SMARCC1: variants seen among roughly 807,000 people sequenced by gnomAD.
The protein encoded by SMARCC1 is SWI/SNF complex subunit SMARCC1.
In SMARCC1, 43 loss-of-function variants were observed where a neutral mutation model predicts 147.4. The ratio of observed to expected loss-of-function variants is 0.29; its 90% CI spans 0.23 to 0.38. The LOEUF is 0.38. SMARCC1 is among the 10% of genes least tolerant of loss of function. SMARCC1 has a pLI of 1.00. For synonymous variants in SMARCC1, 495 were observed against 484.4 expected, an observed-to-expected ratio of 1.02 and a Z score of -0.29; for missense variants, 1,119 against 1,381.1, an observed-to-expected ratio of 0.81 and a Z score of 3.01.
intron 26 of SMARCC1, among the ~76,000 whole-genome samples, chr3:47,602,565 TGGG>T (rs1449361207): frequency 6.6e-6 from 1 of 152,204 alleles, no homozygotes. Flanking sequence ...CCCAAAGTGC[TGGG>T]ATTACAGGCG....
intron 19 of SMARCC1, among the ~76,000 whole-genome samples, chr3:47,668,141 A>T (rs1186443080): frequency 6.6e-6 from 1 of 152,112 alleles, no homozygotes; most frequent in Non-Finnish European, 1.5e-5. Context: ...TGGTGCCCTG[A>T]TTATATCAAC....
intron 10 of SMARCC1, 132 bp downstream of exon 10, chr3:47,706,276 TG>T (rs2033993380): frequency 1.3e-6 from 1 of 750,708 alleles, no homozygotes; most frequent in South Asian, 5.1e-5. Flanking sequence ...TTCACCATGT[TG>T]GCCAGGCTGG....
At chr3:47,613,606 C>T (rs1239453534) in intron 25 of SMARCC1, among the ~76,000 whole-genome samples, 2 of 152,024 alleles carry the variant, frequency 1.3e-5, no homozygotes, top group African/African-American at 4.8e-5. Context: ...GTGATCCGCC[C>T]GCCTCAGCCT....
chr3:47,635,635 A>G (rs2032959200), intron 23 of SMARCC1, among the ~76,000 whole-genome samples: 1 of 152,216 alleles, frequency 6.6e-6, no homozygotes, highest in South Asian at 2.1e-4. Flanking sequence ...GTCTAAGGCC[A>G]ACGTACTTGC....
At chr3:47,623,777 C>T (rs910562162) in intron 24 of SMARCC1, among the ~76,000 whole-genome samples, 2 of 152,080 alleles carry the variant, frequency 1.3e-5, no homozygotes, top group African/African-American at 4.8e-5. Context: ...GTCAGCTATA[C>T]ATCAGTAACT....
intron 14 of SMARCC1, among the ~76,000 whole-genome samples, chr3:47,685,040 A>C (rs2033703129): frequency 6.6e-6 from 1 of 152,200 alleles, no homozygotes; most frequent in Admixed American, 6.5e-5. Flanking sequence ...TTAAGTCGGA[A>C]ACATTCACCT....
rs757435797 is a variant in SMARCC1 at position 47,635,347 on chromosome 3, G to A, written c.2492-3C>T. 6.2e-7 allele frequency: 1 copy of A among 1,609,848 alleles called. No homozygotes were observed. The highest frequency in any genetic ancestry group is 8.5e-7 in the Non-Finnish European group (1 of 1,179,696). The stretch of plus-strand genomic sequence containing the variant: ...GTTCTCTTCAGTCTCCTTTTCTTCT[G>A]AAAATATCAGAAAGCTTTGTTACTA... On this transcript the variant is annotated splice_polypyrimidine_tract_variant and splice_region_variant and intron_variant, in intron 23 of 27. Coordinates refer to ENST00000254480, the MANE Select transcript of SMARCC1 (RefSeq NM_003074.4).
chr3:47,684,573 TG>T (rs1006118747), intron 14 of SMARCC1, among the ~76,000 whole-genome samples: 8 of 151,894 alleles, frequency 5.3e-5, no homozygotes, highest in African/African-American at 1.9e-4. Context: ...CCCAAGTAGA[TG>T]GGATTACAGG....
intron 26 of SMARCC1, among the ~76,000 whole-genome samples, chr3:47,591,221 G>T (rs1479071375): frequency 6.6e-6 from 1 of 152,148 alleles, no homozygotes; most frequent in Non-Finnish European, 1.5e-5. Context: ...ACTTTAAAAG[G>T]AAGTCAGTAA....
In SMARCC1 at chr3:47,636,784, ATATATG is replaced by A. The variant is rs770807721; in HGVS notation, c.2377-654_2377-649del. Among the ~76,000 whole-genome samples, 210 of 67,688 alleles carry A rather than the reference ATATATG, an allele frequency of 3.1e-3. 2 individuals are homozygous for A. The highest frequency in any genetic ancestry group is 0.01 in the East Asian group (23 of 2,246). 44.4% of individuals were successfully genotyped at this position (67,688 alleles called of 152,430 possible). A position where few individuals can be genotyped will look rare whatever the true frequency, so the allele number is the denominator to read the frequency against. ...AACAACAACAACCACAACAAAATAT[ATATATG>A]TGTGTGTGTGTGTGTGTGTGTGTGT... On this transcript the variant is annotated intron_variant, in intron 22 of 27. Coordinates refer to ENST00000254480, the MANE Select transcript of SMARCC1 (RefSeq NM_003074.4).
At chr3:47,777,616 C>G (rs1485998804) in intron 1 of SMARCC1, among the ~76,000 whole-genome samples, 1 of 151,992 alleles carries the variant, frequency 6.6e-6, no homozygotes, top group African/African-American at 2.4e-5. Flanking sequence ...CAACCTCCAC[C>G]TCCCAGGTTT....
At position 47,686,237 on chromosome 3, in the gene SMARCC1, T is replaced by TA; in HGVS notation, c.1264-68dup. The TA allele has an allele frequency of 4.1e-6, 5 of 1,226,504 alleles. No homozygotes were observed. The Admixed American group carries it at 1.0e-4, about 25-fold the overall frequency. The allele number at this position is 1,226,504 out of a possible 1,614,324, so 76.0% of individuals were successfully genotyped here. A position where few individuals can be genotyped will look rare whatever the true frequency, so the allele number is the denominator to read the frequency against. On this transcript the variant is annotated intron_variant, in intron 13 of 27. Transcript: ENST00000254480. ...AGAGAGAGATATATATAACATCTCT[T>TA]ACACTTCAGTTGTTAGGTTAAATAA... is the stretch of plus-strand genomic sequence containing the variant.
chr3:47,727,102 A>G (rs2034308744), intron 6 of SMARCC1, among the ~76,000 whole-genome samples: 1 of 151,952 alleles, frequency 6.6e-6, no homozygotes, highest in Non-Finnish European at 1.5e-5. Context: ...AGTCCCAGCT[A>G]CTCGGGAGGC....
intron 21 of SMARCC1, among the ~76,000 whole-genome samples, chr3:47,650,262 C>T (rs983819731): frequency 2.1e-5 from 3 of 145,042 alleles, no homozygotes; most frequent in East Asian, 2.0e-4. Flanking sequence ...GGCGACAGAG[C>T]GAGACTCTGT....
chr3:47,689,774 A>C (rs1340577757), intron 12 of SMARCC1, among the ~76,000 whole-genome samples: 1 of 152,204 alleles, frequency 6.6e-6, no homozygotes, highest in African/African-American at 2.4e-5. Flanking sequence ...GGGTTTCAGA[A>C]GAAGTGAGTA....
chr3:47,664,025 CCTTT>C, intron 19 of SMARCC1: 5 of 691,356 alleles, frequency 7.2e-6, no homozygotes, highest in Non-Finnish European at 1.2e-5. Context: ...TCCCTCCTCT[CCTTT>C]GAGAGGCCCA....
At chr3:47,589,560 G>A (rs575838898) in intron 27 of SMARCC1, among the ~76,000 whole-genome samples, 14 of 152,282 alleles carry the variant, frequency 9.2e-5, no homozygotes, top group African/African-American at 3.4e-4. Flanking sequence ...CACAACCACT[G>A]ACCACTAGCT....
At chr3:47,656,918 T>TCAA (rs529787207) in intron 21 of SMARCC1, among the ~76,000 whole-genome samples, 197 of 151,732 alleles carry the variant, frequency 1.3e-3, no homozygotes, top group Admixed American at 2.4e-3. Context: ...AGACTCCATC[T>TCAA]CAACAACAAC....
At chr3:47,591,951 T>C (rs1423601007) in intron 26 of SMARCC1, among the ~76,000 whole-genome samples, 1 of 152,214 alleles carries the variant, frequency 6.6e-6, no homozygotes, top group African/African-American at 2.4e-5. Flanking sequence ...CATATGAGAA[T>C]CAATGTAGTT....
Sources: gnomAD v4.1 joint callset for allele counts (sites outside exome capture counted in the v4.1 genomes callset) on GRCh38, gnomAD v4.1.1 for gene constraint, MANE v1.5 for transcripts, NCBI Gene and HGNC (gene_info 2026-07-23, HGNC 2026-07-21) for gene names.